NAV3: variants seen among roughly 807,000 people sequenced by gnomAD.
The protein encoded by NAV3 is pore membrane and/or filament interacting like protein 1.
A neutral mutation model predicts 244.7 loss-of-function variants in NAV3; 87 were observed. The ratio of observed to expected loss-of-function variants is 0.36; its 90% confidence interval spans 0.30 to 0.42. NAV3 has a LOEUF of 0.42. Ranked by LOEUF, NAV3 falls within the 20% of genes least tolerant of loss-of-function variation. NAV3 has a pLI of 1.00. For missense variants in NAV3, 2,663 were observed against 2,893.3 expected (o/e 0.92, Z 1.83); for synonymous variants, 1,126 against 1,042.2 (o/e 1.08, Z -1.55).
intron 5 of NAV3, among the ~76,000 whole-genome samples, chr12:77,981,612 T>A (rs2136269809): frequency 6.6e-6 from 1 of 152,132 alleles, no homozygotes; most frequent in East Asian, 1.9e-4. Flanking sequence ...CTTGGGTACT[T>A]TATTCCCGAT....
intron 22 of NAV3, among the ~76,000 whole-genome samples, chr12:78,157,013 C>A (rs1003144028): frequency 6.6e-6 from 1 of 151,968 alleles, no homozygotes; most frequent in Non-Finnish European, 1.5e-5. Flanking sequence ...AAAGTGTAAG[C>A]TTGGGTAGGA....
intron 22 of NAV3, 48 bp downstream of exon 22, chr12:78,148,967 GA>G: frequency 6.9e-7 from 1 of 1,453,994 alleles, no homozygotes; most frequent in South Asian, 1.2e-5. Flanking sequence ...TTTTATAGAG[GA>G]AAATGAAATC....
chr12:77,994,733 G>T (rs1306124784), intron 5 of NAV3, 70 bp from the exon 6 acceptor site: 20 of 1,211,722 alleles, frequency 1.7e-5, no homozygotes, highest in Non-Finnish European at 2.3e-5. Context: ...TAGTTTTCTT[G>T]TAAGTTTGTG....
chr12:77,821,295 A>C (rs1481354884), intron 2 of NAV3, among the ~76,000 whole-genome samples: 1 of 152,228 alleles, frequency 6.6e-6, no homozygotes, highest in Non-Finnish European at 1.5e-5. Context: ...TACAGGCAGC[A>C]ATTACTTTAA....
intron 5 of NAV3, among the ~76,000 whole-genome samples, chr12:77,993,781 C>T (rs1162538150): frequency 6.6e-6 from 1 of 152,140 alleles, no homozygotes; most frequent in Non-Finnish European, 1.5e-5. Context: ...ACCCTGATTC[C>T]AACACCCCCA....
intron 9 of NAV3, chr12:78,036,654 G>A (rs1444614886): frequency 2.2e-6 from 1 of 457,342 alleles, no homozygotes; most frequent in East Asian, 3.2e-5. Flanking sequence ...CAAAATATTT[G>A]TAAGTACTGC....
At chr12:77,949,487 T>G (rs1403757031) in intron 3 of NAV3, among the ~76,000 whole-genome samples, 1 of 152,020 alleles carries the variant, frequency 6.6e-6, no homozygotes, top group African/African-American at 2.4e-5. Context: ...TTCCGCTATT[T>G]TTTTCCTTCT....
chr12:77,852,568 T>G (rs571743486), intron 1 of NAV3, among the ~76,000 whole-genome samples: 2 of 152,018 alleles, frequency 1.3e-5, no homozygotes, highest in East Asian at 3.9e-4. Context: ...AATAAATAAA[T>G]AAATAAATAA....
chr12:77,718,482 G>A (rs1347487712), intron 2 of NAV3, among the ~76,000 whole-genome samples: 1 of 151,990 alleles, frequency 6.6e-6, no homozygotes, highest in Non-Finnish European at 1.5e-5. Context: ...CTGTAACTTT[G>A]TAATATGTTT....
intron 7 of NAV3, among the ~76,000 whole-genome samples, chr12:78,002,086 A>G (rs1409455722): frequency 6.6e-6 from 1 of 152,244 alleles, no homozygotes; most frequent in Non-Finnish European, 1.5e-5. Flanking sequence ...GCATGCCTGA[A>G]GCAAGTTACC....
intron 2 of NAV3, among the ~76,000 whole-genome samples, chr12:77,582,797 G>T (rs982999659): frequency 6.6e-6 from 1 of 152,156 alleles, no homozygotes; most frequent in Non-Finnish European, 1.5e-5. Flanking sequence ...TTTGGTATTT[G>T]TTCACCATGG....
At position 78,179,449 on chromosome 12, in the gene NAV3, T is replaced by G. The variant is rs1218733729; in HGVS notation, c.5364-80T>G. 6 of 1,543,122 alleles carry G rather than the reference T, an allele frequency of 3.9e-6. No individual in the cohort carries two copies. The East Asian group carries it at 1.4e-4, about 35-fold the overall frequency. ...CTGTACCTGCTGGAGAATATTGCAG[T>G]GCAGCCTTTAAAAGAGGCAGTGCTT... On this transcript the variant is annotated intron_variant, in intron 28 of 39. Coordinates refer to ENST00000397909, the MANE Select transcript of NAV3 (RefSeq NM_001024383.2).
chr12:77,907,428 C>T (rs1886105935), intron 1 of NAV3, among the ~76,000 whole-genome samples: 1 of 152,042 alleles, frequency 6.6e-6, no homozygotes. Context: ...GTCTCAAGAT[C>T]GAGCTCAATT....
At chr12:77,958,448 A>G (rs543860006) in intron 3 of NAV3, among the ~76,000 whole-genome samples, 4 of 152,194 alleles carry the variant, frequency 2.6e-5, no homozygotes, top group Admixed American at 6.5e-5. Flanking sequence ...AATATTAAGT[A>G]TATAGGTAGA....
At chr12:77,772,055 A>G (rs1870118963) in intron 2 of NAV3, among the ~76,000 whole-genome samples, 1 of 152,234 alleles carries the variant, frequency 6.6e-6, no homozygotes, top group Non-Finnish European at 1.5e-5. Flanking sequence ...AATGTACTAA[A>G]CATGGTGCAA....
At chr12:77,973,960 A>G (rs1347000142) in intron 5 of NAV3, among the ~76,000 whole-genome samples, 1 of 148,902 alleles carries the variant, frequency 6.7e-6, no homozygotes, top group Non-Finnish European at 1.5e-5. Context: ...TTTTATCTCT[A>G]GAGAGAAATA....
At chr12:78,031,787 A>G (rs1879032250) in intron 9 of NAV3, among the ~76,000 whole-genome samples, 1 of 150,708 alleles carries the variant, frequency 6.6e-6, no homozygotes. Context: ...CTAATGCTAG[A>G]TGACGAGTTA....
chr12:78,035,864 G>A (rs1043926773), intron 9 of NAV3, among the ~76,000 whole-genome samples: 1 of 152,120 alleles, frequency 6.6e-6, no homozygotes, highest in Non-Finnish European at 1.5e-5. Context: ...ATCTCCTAGC[G>A]GGTGGAGAGT....
chr12:77,831,754 C>A (rs1434946010), intron 1 of NAV3, 50 bp downstream of exon 1: 1 of 1,535,020 alleles, frequency 6.5e-7, no homozygotes, highest in Non-Finnish European at 8.7e-7. Context: ...ATGCACATTT[C>A]TCTTTAAGTG....
Sources: allele counts gnomAD v4.1 joint callset (sites outside exome capture counted in the v4.1 genomes callset), GRCh38; gene constraint gnomAD v4.1.1; transcripts MANE v1.5; gene names NCBI Gene and HGNC (gene_info 2026-07-23, HGNC 2026-07-21).